The following KCNIP1 variants were observed in gnomAD, a reference collection of about 807,000 sequenced individuals.
The protein encoded by KCNIP1 is A-type potassium channel modulatory protein KCNIP1.
KCNIP1 carries 18 observed loss-of-function variants against 33.0 expected under a neutral mutation model. The observed-to-expected ratio is 0.55, with a 90% CI of 0.38 to 0.81. KCNIP1 has a LOEUF of 0.81. Ranked by LOEUF, KCNIP1 falls within the 30% of genes least tolerant of loss-of-function variation. The pLI, the probability that KCNIP1 is intolerant of heterozygous loss-of-function variation, is 0.00. For synonymous variants in KCNIP1, 93 were observed against 98.3 expected (o/e 0.95, Z 0.32); for missense variants, 238 against 271.6 (o/e 0.88, Z 0.87).
chr5:170,611,022 CTT>C (rs747831074), intron 1 of KCNIP1, among the ~76,000 whole-genome samples: 3 of 152,340 alleles, frequency 2.0e-5, no homozygotes, highest in African/African-American at 7.2e-5. Context: ...AATGAACTGA[CTT>C]TTCAAAAGTC....
chr5:170,479,692 G>A (rs1344292522), intron 1 of KCNIP1, among the ~76,000 whole-genome samples: 3 of 152,146 alleles, frequency 2.0e-5, no homozygotes, highest in African/African-American at 4.8e-5. Context: ...GCCCACATGG[G>A]GGCTCTGGAA....
chr5:170,499,516 C>G (rs994271691), upstream of KCNIP1, among the ~76,000 whole-genome samples: 4 of 152,318 alleles, frequency 2.6e-5, no homozygotes, highest in African/African-American at 2.4e-5. Flanking sequence ...ACTCATCATG[C>G]CCACAGTCTC....
intron 1 of KCNIP1, among the ~76,000 whole-genome samples, chr5:170,709,448 A>C (rs1449264913): frequency 6.6e-6 from 1 of 152,232 alleles, no homozygotes. Context: ...GCTGATGTAA[A>C]CATAGCTGTG....
intron 1 of KCNIP1, among the ~76,000 whole-genome samples, chr5:170,468,965 A>C (rs762966837): frequency 6.6e-6 from 1 of 152,070 alleles, no homozygotes; most frequent in African/African-American, 2.4e-5. Context: ...CATTTCCCAG[A>C]GGTAACCATC....
At chr5:170,553,933 A>T (rs1205643071) in intron 1 of KCNIP1, among the ~76,000 whole-genome samples, 3 of 152,218 alleles carry the variant, frequency 2.0e-5, no homozygotes, top group Admixed American at 2.0e-4. Flanking sequence ...TATCTAGCAC[A>T]TACAGGTGGA....
At chr5:170,368,620 A>G (rs1461053175) in intron 1 of KCNIP1, among the ~76,000 whole-genome samples, 2 of 152,202 alleles carry the variant, frequency 1.3e-5, no homozygotes, top group East Asian at 3.8e-4. Context: ...AAGCATCCAT[A>G]TTTAATCAGA....
intron 1 of KCNIP1, among the ~76,000 whole-genome samples, chr5:170,390,517 A>AAAAAAAAAAAAAAAAAAAAATATATATAT: frequency 4.0e-5 from 3 of 74,544 alleles, no homozygotes; most frequent in Admixed American, 1.5e-4. Context: ...AAAAAAAACA[A>AAAAAAAAAAAAAAAAAAAAATATATATAT]ATATATATAT....
intron 1 of KCNIP1, among the ~76,000 whole-genome samples, chr5:170,490,016 A>G (rs1436905924): frequency 6.6e-6 from 1 of 152,128 alleles, no homozygotes; most frequent in African/African-American, 2.4e-5. Context: ...CAGCACACTC[A>G]TCTCCACCCC....
At chr5:170,715,343 T>G (rs28416637) in intron 1 of KCNIP1, among the ~76,000 whole-genome samples, 1 of 152,052 alleles carries the variant, frequency 6.6e-6, no homozygotes, top group Non-Finnish European at 1.5e-5. Flanking sequence ...ATCCCTGTTG[T>G]TAAGCGACAC....
At chr5:170,497,543 G>A (rs938450940) in intron 1 of KCNIP1, among the ~76,000 whole-genome samples, 2 of 152,138 alleles carry the variant, frequency 1.3e-5, no homozygotes, top group African/African-American at 4.8e-5. Flanking sequence ...TAACTCTGGG[G>A]GAAAAGGTTC....
chr5:170,446,894 T>C (rs80115717), intron 1 of KCNIP1, among the ~76,000 whole-genome samples: 2,172 of 152,362 alleles, frequency 0.014, 51 homozygotes, highest in African/African-American at 0.049. Context: ...CTTGTGAACC[T>C]GCTCCAGGTC....
chr5:170,578,263 G>A (rs1283062247), intron 1 of KCNIP1, among the ~76,000 whole-genome samples: 3 of 152,188 alleles, frequency 2.0e-5, no homozygotes, highest in African/African-American at 7.2e-5. Flanking sequence ...GCTACACACA[G>A]GGATCTCTGA....
chr5:170,508,152 C>A (rs1754786741), intron 1 of KCNIP1, among the ~76,000 whole-genome samples: 1 of 152,166 alleles, frequency 6.6e-6, no homozygotes, highest in African/African-American at 2.4e-5. Context: ...AGCAAATAAT[C>A]CCACACTACA....
intron 1 of KCNIP1, among the ~76,000 whole-genome samples, chr5:170,476,278 G>A (rs575042263): frequency 6.6e-6 from 1 of 152,148 alleles, no homozygotes; most frequent in Non-Finnish European, 1.5e-5. Flanking sequence ...GCCTAAACTT[G>A]TTTCTAATTA....
intron 1 of KCNIP1, among the ~76,000 whole-genome samples, chr5:170,445,534 T>A (rs1332940445): frequency 6.6e-6 from 1 of 152,242 alleles, no homozygotes; most frequent in African/African-American, 2.4e-5. Flanking sequence ...AGTTTCCTCC[T>A]GTTATCATTC....
rs949566838 is a variant in KCNIP1 at position 170,363,724 on chromosome 5, T to G, written c.88+9760T>G. 5.9e-5 allele frequency among the ~76,000 whole-genome samples: 9 copies of G among 152,202 alleles called. No homozygotes were observed. In the East Asian group the frequency reaches 1.7e-3, roughly 29 times the overall value. ...GTGACAAACATATATAACATTAAAT[T>G]TACTATTTTAACCATTTTTAAGTGC... On this transcript the variant is annotated intron_variant, in intron 1 of 7. Transcript: ENST00000377360.
intron 1 of KCNIP1, among the ~76,000 whole-genome samples, chr5:170,423,786 T>C (rs1755551842): frequency 6.6e-6 from 1 of 152,220 alleles, no homozygotes; most frequent in Non-Finnish European, 1.5e-5. Context: ...ATGAATTCAC[T>C]GCCTCACCCC....
intron 1 of KCNIP1, chr5:170,377,762 CG>C: frequency 6.6e-6 from 1 of 152,208 alleles, no homozygotes; most frequent in African/African-American, 2.4e-5. Context: ...TTAGTAGAGA[CG>C]GGGTTTCACC....
At chr5:170,468,445 G>A (rs1306417989) in intron 1 of KCNIP1, among the ~76,000 whole-genome samples, 2 of 152,176 alleles carry the variant, frequency 1.3e-5, no homozygotes, top group Non-Finnish European at 2.9e-5. Context: ...CAAAGCTTAT[G>A]GAGGAACTTG....
Sources: allele counts gnomAD v4.1 joint callset (sites outside exome capture counted in the v4.1 genomes callset), GRCh38; gene constraint gnomAD v4.1.1; transcripts MANE v1.5; gene names NCBI Gene and HGNC (gene_info 2026-07-23, HGNC 2026-07-21).